The following FAAH2 variants were observed in gnomAD, a reference collection of about 807,000 sequenced individuals.
The protein encoded by FAAH2 is fatty-acid amide hydrolase 2.
In FAAH2, 60 loss-of-function variants were observed where a neutral mutation model predicts 36.9. That is an observed-to-expected ratio of 1.63 (90% confidence interval 1.32 to 2.02). FAAH2 has a LOEUF of 2.02. Among genes scored for constraint, FAAH2 ranks in the 30% most tolerant of loss-of-function variants. FAAH2 has a pLI of 0.00. For missense variants in FAAH2, 689 were observed against 397.5 expected, an observed-to-expected ratio of 1.73 and a Z score of -6.23; for synonymous variants, 214 against 143.8, an observed-to-expected ratio of 1.49 and a Z score of -3.49.
chrX:57,149,615 A>AT, the FAAH2 span, among the ~76,000 whole-genome samples: 9 of 110,629 alleles, frequency 8.1e-5, no homozygotes, highest in East Asian at 2.5e-3. Context: ...CCCCTTTGTC[A>AT]TTTTTTATTG....
chrX:57,394,202 C>T, intron 7 of FAAH2: 1 of 655,377 alleles, frequency 1.5e-6, no homozygotes, highest in Non-Finnish European at 2.6e-6. Flanking sequence ...AAAGGTGGGG[C>T]CCTGAGAAGG....
intron 3 of FAAH2, among the ~76,000 whole-genome samples, chrX:57,323,908 C>A (rs1729322996): frequency 9.0e-6 from 1 of 110,800 alleles, no homozygotes; most frequent in South Asian, 3.9e-4. Context: ...GACATGAAGT[C>A]CTTGCCCATG....
chrX:57,167,880 C>A, the FAAH2 span, among the ~76,000 whole-genome samples: 1 of 111,543 alleles, frequency 9.0e-6, no homozygotes, highest in South Asian at 3.8e-4. Context: ...TGCAGCAGAC[C>A]AGAGTGGGCC....
At chrX:57,414,023 G>A (rs1197510795) in intron 7 of FAAH2, among the ~76,000 whole-genome samples, 2 of 111,886 alleles carry the variant, frequency 1.8e-5, no homozygotes, top group African/African-American at 3.2e-5. Context: ...TCTGTTATTG[G>A]TGTATAGGAA....
chrX:57,307,017 A>ATATATG (rs1413358411), intron 2 of FAAH2, among the ~76,000 whole-genome samples: 1 of 74,113 alleles, frequency 1.3e-5, no homozygotes, highest in Admixed American at 1.8e-4. Context: ...ATATATATAT[A>ATATATG]GCCTTTGTCC....
At chrX:57,378,597 A>G in intron 5 of FAAH2, 54 bp from the exon 6 acceptor site, 2 of 1,197,992 alleles carry the variant, frequency 1.7e-6, no homozygotes, top group Admixed American at 2.2e-5. Flanking sequence ...GAAATACAAC[A>G]TGCAGGGATC....
chrX:57,353,665 A>G (rs1193702812), intron 5 of FAAH2, among the ~76,000 whole-genome samples: 1 of 110,836 alleles, frequency 9.0e-6, no homozygotes, highest in Non-Finnish European at 1.9e-5. Context: ...CAGAGTGATG[A>G]AACAACCTGT....
chrX:57,398,382 G>A (rs185380421), intron 7 of FAAH2, among the ~76,000 whole-genome samples: 33 of 111,421 alleles, frequency 3.0e-4, no homozygotes, highest in South Asian at 7.6e-4. Flanking sequence ...TTCTGGTATC[G>A]GGATATCTAC....
At chrX:57,397,958 G>C (rs2055344930) in intron 7 of FAAH2, among the ~76,000 whole-genome samples, 1 of 109,012 alleles carries the variant, frequency 9.2e-6, no homozygotes, top group Non-Finnish European at 1.9e-5. Context: ...GCGGTGTTTG[G>C]TTTTCTCTTT....
intron 7 of FAAH2, among the ~76,000 whole-genome samples, chrX:57,417,304 G>A (rs771808602): frequency 3.6e-5 from 4 of 112,160 alleles, no homozygotes; most frequent in Non-Finnish European, 7.5e-5. Flanking sequence ...AGGAGAAGCA[G>A]TGTTCTGGTT....
chrX:57,354,367 T>C (rs1222230435), intron 5 of FAAH2, among the ~76,000 whole-genome samples: 1 of 110,618 alleles, frequency 9.0e-6, no homozygotes, highest in Non-Finnish European at 1.9e-5. Flanking sequence ...AATAAGTGGG[T>C]GCTAAAAACG....
At chrX:57,421,563 T>G (rs185035681) in intron 7 of FAAH2, among the ~76,000 whole-genome samples, 2 of 111,616 alleles carry the variant, frequency 1.8e-5, no homozygotes, top group Admixed American at 9.5e-5. Context: ...CTCAGGGAAA[T>G]AGAATAAATA....
At chrX:57,347,625 T>G (rs1427218959) in intron 5 of FAAH2, among the ~76,000 whole-genome samples, 3 of 59,269 alleles carry the variant, frequency 5.1e-5, no homozygotes, top group Non-Finnish European at 8.8e-5. Context: ...TTTTTTTTTT[T>G]TTTTTTTTTT....
At chrX:57,439,384 A>G (rs1355577029) in intron 8 of FAAH2, among the ~76,000 whole-genome samples, 5 of 110,768 alleles carry the variant, frequency 4.5e-5, no homozygotes, top group African/African-American at 6.6e-5. Context: ...GTGTTTTTTG[A>G]CTGCATAAAT....
At chrX:57,467,132 G>A (rs2057064965) in intron 10 of FAAH2, among the ~76,000 whole-genome samples, 1 of 111,257 alleles carries the variant, frequency 9.0e-6, no homozygotes. Flanking sequence ...GTTCCAAGAT[G>A]GCCAAATAGG....
chrX:57,193,362 T>A, the FAAH2 span, among the ~76,000 whole-genome samples: 4 of 112,094 alleles, frequency 3.6e-5, no homozygotes, highest in African/African-American at 1.3e-4. Flanking sequence ...CCTGATAAGA[T>A]GTTATCAATG....
intron 7 of FAAH2, among the ~76,000 whole-genome samples, chrX:57,423,538 G>C (rs1371721162): frequency 8.9e-6 from 1 of 111,915 alleles, no homozygotes; most frequent in Non-Finnish European, 1.9e-5. Flanking sequence ...AGCTCCACCA[G>C]GTTGAGAGTG....
chrX:57,418,333 G>A (rs1396263873), intron 7 of FAAH2, among the ~76,000 whole-genome samples: 2 of 111,777 alleles, frequency 1.8e-5, no homozygotes, highest in Non-Finnish European at 3.8e-5. Context: ...CCAGTGTTTT[G>A]CTTGAAGCCC....
At chrX:57,183,761 C>G in the FAAH2 span, among the ~76,000 whole-genome samples, 2 of 111,099 alleles carry the variant, frequency 1.8e-5, no homozygotes, top group Non-Finnish European at 3.8e-5. Flanking sequence ...TGAAAAAGAA[C>G]AGAATAACAG....
Sources: allele counts gnomAD v4.1 joint callset (sites outside exome capture counted in the v4.1 genomes callset), GRCh38; gene constraint gnomAD v4.1.1; transcripts MANE v1.5; gene names NCBI Gene and HGNC (gene_info 2026-07-23, HGNC 2026-07-21).